The following CLGN variants were observed in gnomAD, a reference collection of about 807,000 sequenced individuals.
CLGN encodes the protein testis tissue sperm-binding protein Li 79P.
CLGN carries 62 observed loss-of-function variants against 79.1 expected under a neutral mutation model. The ratio of observed to expected loss-of-function variants is 0.78; its 90% CI spans 0.64 to 0.97. The LOEUF is 0.97. CLGN is among the 50% of genes least tolerant of loss of function. The pLI is 0.00. For missense variants in CLGN, 647 were observed against 715.5 expected, an observed-to-expected ratio of 0.90 and a Z score of 1.09; for synonymous variants, 225 against 224.7, an observed-to-expected ratio of 1.00 and a Z score of -0.01.
In CLGN at chr4:140,396,886, T is replaced by C. The variant is rs574814419; in HGVS notation, c.885-681A>G. ...GCATATATATATACATATATATATA[T>C]ATATGTATATATATATATATGTATA... On this transcript the variant is annotated intron_variant, in intron 8 of 14. Transcript: ENST00000325617. 4.6e-3 allele frequency among the ~76,000 whole-genome samples: 283 copies of C among 61,970 alleles called. 8 individuals carry two copies. The highest frequency in any genetic ancestry group is 4.6e-3 in the Non-Finnish European group (169 of 36,512). The allele number at this position is 61,970 out of a possible 152,430, so 40.7% of individuals were successfully genotyped here.
intron 1 of CLGN, among the ~76,000 whole-genome samples, chr4:140,425,469 T>TGTGTAC (rs34803389): frequency 2.6e-5 from 4 of 151,022 alleles, no homozygotes; most frequent in African/African-American, 9.8e-5. Context: ...TGTGTGTGTG[T>TGTGTAC]ACATACAGGC....
At chr4:140,395,226 G>T (rs1404766823) in intron 10 of CLGN, among the ~76,000 whole-genome samples, 1 of 151,446 alleles carries the variant, frequency 6.6e-6, no homozygotes, top group South Asian at 2.1e-4. Flanking sequence ...AGCTCACTGC[G>T]ATCTCCACCT....
chr4:140,393,146 C>T lies in CLGN; in HGVS notation c.1366-435G>A, dbSNP rs531115552. 3.3e-5 allele frequency among the ~76,000 whole-genome samples: 5 copies of T among 152,076 alleles called. No individual in the cohort carries two copies. In the South Asian group the frequency reaches 1.0e-3, roughly 32 times the overall value. ...CTTTTTTATATAAACACATTTCACACATAAGACCCTCAGTAAGGATATTAT... is the reference window on the plus strand; with the variant it reads ...CTTTTTTATATAAACACATTTCACATATAAGACCCTCAGTAAGGATATTAT... On this transcript the variant is annotated intron_variant, in intron 11 of 14. Coordinates refer to ENST00000325617, the MANE Select transcript of CLGN (RefSeq NM_004362.3).
At chr4:140,405,878 A>G in intron 5 of CLGN, 64 bp downstream of exon 5, 3 of 1,495,550 alleles carry the variant, frequency 2.0e-6, no homozygotes, top group Non-Finnish European at 2.7e-6. Context: ...AATACAAGCT[A>G]TATTCAGAAG....
At chr4:140,400,325 T>A (rs1292381600) in intron 7 of CLGN, 32 bp downstream of exon 7, 1 of 1,483,136 alleles carries the variant, frequency 6.7e-7, no homozygotes, top group East Asian at 2.3e-5. Context: ...AGCAAATATT[T>A]TTGAATACAT....
At chr4:140,421,907 T>C (rs1169977730) in intron 1 of CLGN, among the ~76,000 whole-genome samples, 3 of 152,122 alleles carry the variant, frequency 2.0e-5, no homozygotes, top group Non-Finnish European at 4.4e-5. Flanking sequence ...TTAACAGTTT[T>C]ATAGTTTTCT....
Position 140,413,086 on chromosome 4 carries a change from A to C in CLGN, c.-8T>G. ...AAAGGCTTGGAAATGCATATTGATT[A>C]TCTGTGAAATTAAAAGTAATTAGTG... On this transcript the variant is annotated splice_region_variant and 5_prime_UTR_variant, in exon 2 of 15. Transcript: ENST00000325617. 1.2e-6 allele frequency: 2 copies of C among 1,603,826 alleles called. No individual in the cohort carries two copies. The highest frequency in any genetic ancestry group is 1.7e-6 in the Non-Finnish European group (2 of 1,176,614).
chr4:140,395,011 C>T (rs358334), intron 10 of CLGN, among the ~76,000 whole-genome samples: 6,218 of 151,992 alleles, frequency 0.041, 155 homozygotes, highest in South Asian at 0.095. Context: ...ACCCCGTCTC[C>T]GCTAAAAATA....
intron 8 of CLGN, among the ~76,000 whole-genome samples, chr4:140,396,917 A>G (rs1181164416): frequency 5.2e-5 from 7 of 133,878 alleles, no homozygotes; most frequent in African/African-American, 2.1e-4. Flanking sequence ...GTATATATAT[A>G]TATATACACA....
rs540130090 is a variant in CLGN, at chr4:140,401,897, T to C, written c.501+88A>G. ...ATCTACAATTCTTTTCAATTTCAGT[T>C]GAAGACAAAATATTCAGTTTTATCA... On this transcript the variant is annotated intron_variant, in intron 6 of 14. Transcript: ENST00000325617. 4.4e-5 allele frequency: 32 copies of C among 725,410 alleles called. No individual in the cohort carries two copies. In the African/African-American group the frequency reaches 6.1e-4, roughly 14 times the overall value. The allele number at this position is 725,410 out of a possible 1,614,324, so 44.9% of individuals were successfully genotyped here. A position where few individuals can be genotyped will look rare whatever the true frequency, so the allele number is the denominator to read the frequency against.
At position 140,405,759 on chromosome 4, in the gene CLGN, TTACCTG is replaced by T. The variant is rs1186767338; in HGVS notation, c.419+177_419+182del. ...GTTGATCTTTGTATAATTTTATCAT[TTACCTG>T]CTTTTTATTGAAAGCATGGATATGT... On this transcript the variant is annotated intron_variant, in intron 5 of 14. Transcript: ENST00000325617. Among the ~76,000 whole-genome samples, 6 of 152,344 alleles carry T rather than the reference TTACCTG, an allele frequency of 3.9e-5. No homozygotes were observed. The East Asian group carries it at 1.2e-3, about 29-fold the overall frequency.
intron 1 of CLGN, among the ~76,000 whole-genome samples, chr4:140,420,313 A>G (rs1729438879): frequency 6.6e-6 from 1 of 152,110 alleles, no homozygotes; most frequent in African/African-American, 2.4e-5. Context: ...ATAGTTGCCA[A>G]TGCTTCAGAA....
chr4:140,398,709 G>C lies in CLGN; in HGVS notation c.884+142C>G, dbSNP rs1464704813. The C allele has an allele frequency of 1.8e-5, 11 of 627,842 alleles. No individual in the cohort carries two copies. The East Asian group carries it at 3.4e-4, about 19-fold the overall frequency. The allele number at this position is 627,842 out of a possible 1,614,324, so 38.9% of individuals were successfully genotyped here. On this transcript the variant is annotated intron_variant, in intron 8 of 14. Coordinates refer to ENST00000325617, the MANE Select transcript of CLGN (RefSeq NM_004362.3). ...GGAGGGAAGTGTAAAATCCATTTTA[G>C]AAAATATTTCACCCAAAATACTAAA...
intron 1 of CLGN, among the ~76,000 whole-genome samples, chr4:140,419,684 A>G (rs1729424381): frequency 6.6e-6 from 1 of 152,154 alleles, no homozygotes; most frequent in South Asian, 2.1e-4. Flanking sequence ...TTTTGCATAT[A>G]TAATTCCTAT....
At chr4:140,392,455 A>C (rs1728793089) in intron 12 of CLGN, 77 bp from the exon 13 acceptor site, 1 of 1,492,830 alleles carries the variant, frequency 6.7e-7, no homozygotes, top group African/African-American at 1.4e-5. Flanking sequence ...AATTGATAAC[A>C]TACATAATGA....
chr4:140,410,453 T>G (rs1014615890), intron 3 of CLGN, 100 bp downstream of exon 3: 1 of 759,614 alleles, frequency 1.3e-6, no homozygotes, highest in African/African-American at 1.8e-5. Flanking sequence ...TTTAAAATTT[T>G]TTATAGATCT....
intron 1 of CLGN, among the ~76,000 whole-genome samples, chr4:140,413,600 G>A (rs1045685120): frequency 6.6e-6 from 1 of 152,190 alleles, no homozygotes; most frequent in Non-Finnish European, 1.5e-5. Context: ...GTGACGGACG[G>A]CACCTGGAAA....
intron 1 of CLGN, among the ~76,000 whole-genome samples, chr4:140,413,402 C>T (rs945214675): frequency 3.9e-5 from 6 of 152,128 alleles, no homozygotes; most frequent in Non-Finnish European, 7.4e-5. Context: ...CCAGTGTGAG[C>T]GACGCAGAAG....
rs1235763191 is a variant in CLGN, at chr4:140,410,580, T to G, written c.191A>C (p.Glu64Ala). The G allele has an allele frequency of 1.9e-6, 3 of 1,604,316 alleles. No individual in the cohort carries two copies. The highest frequency in any genetic ancestry group is 1.3e-5 in the African/African-American group (1 of 74,844). Residue 64 changes from glutamate (E) to alanine (A), a missense_variant, in exon 3 of 15, where the codon GAA becomes GCA. Glu to Ala is a moderately radical substitution (Grantham distance 107, BLOSUM62 -1). Coordinates refer to ENST00000325617, the MANE Select transcript of CLGN (RefSeq NM_004362.3). ...PQPIGEVYFA[E>A]TFDSGRLAGW... The stretch of plus-strand genomic sequence containing the variant: ...AGCCAACCTTCCACTATCAAAAGTT[T>G]CTGCAAAATATACTTCTCCTATAGG...
Sources: gnomAD v4.1 joint callset for allele counts (sites outside exome capture counted in the v4.1 genomes callset) on GRCh38, gnomAD v4.1.1 for gene constraint, MANE v1.5 for transcripts, NCBI Gene and HGNC (gene_info 2026-07-23, HGNC 2026-07-21) for gene names.